SLC2A5: variants seen among roughly 807,000 people sequenced by gnomAD.
The protein encoded by SLC2A5 is solute carrier family 2, facilitated glucose transporter member 5.
Under a neutral mutation model 50.3 loss-of-function variants are expected in SLC2A5, and 56 were observed. The observed-to-expected ratio is 1.11, with a 90% CI of 0.90 to 1.39. The LOEUF is 1.39. SLC2A5 is among the 40% of genes most tolerant of loss of function. The pLI is 0.00. For missense variants in SLC2A5, 566 were observed against 650.1 expected (o/e 0.87, Z 1.41); for synonymous variants, 269 against 281.9 (o/e 0.95, Z 0.46).
chr1:9,041,310 C>T (rs1641296287), intron 5 of SLC2A5: 2 of 459,134 alleles, frequency 4.4e-6, no homozygotes, highest in Non-Finnish European at 7.1e-6. Flanking sequence ...TCTGGGATGT[C>T]CTCACCACCT....
Position 9,037,799 on chromosome 1 carries a change from G to A in SLC2A5, c.1303-10C>T, listed in dbSNP as rs935321983. The A allele has an allele frequency of 6.2e-7, 1 of 1,614,140 alleles. No individual in the cohort carries two copies. ...ACGGGCCGAGGCCCTCCTGCGGGAA[G>A]AGGGGCAGGTGACACGTGTGGGACG... is the stretch of plus-strand genomic sequence containing the variant. On this transcript the variant is annotated splice_polypyrimidine_tract_variant and intron_variant, in intron 11 of 11. Transcript: ENST00000377424.
chr1:9,074,031 G>A (rs895592724), upstream of SLC2A5, among the ~76,000 whole-genome samples: 7 of 151,740 alleles, frequency 4.6e-5, no homozygotes, highest in Non-Finnish European at 1.0e-4. Flanking sequence ...AGTGGGCTGA[G>A]ATCAAACCAC....
chr1:9,083,113 C>T (rs1464780111), intron 2 of SLC2A5, among the ~76,000 whole-genome samples: 3 of 152,064 alleles, frequency 2.0e-5, no homozygotes, highest in East Asian at 1.9e-4. Flanking sequence ...TGGGTAACAC[C>T]GCAAGACTCT....
intron 1 of SLC2A5, among the ~76,000 whole-genome samples, chr1:9,061,287 A>AC: frequency 6.8e-6 from 1 of 146,016 alleles, no homozygotes; most frequent in East Asian, 2.0e-4. Flanking sequence ...GTCTCAAAAA[A>AC]AAAAAAAAGA....
intron 3 of SLC2A5, among the ~76,000 whole-genome samples, chr1:9,048,555 GA>G (rs1641493055): frequency 6.6e-6 from 1 of 152,058 alleles, no homozygotes; most frequent in Non-Finnish European, 1.5e-5. Context: ...TATATTGGGG[GA>G]AAACATCGGA....
At chr1:9,041,704 G>A (rs763221632) in intron 5 of SLC2A5, 81 bp downstream of exon 5, 14 of 1,612,256 alleles carry the variant, frequency 8.7e-6, no homozygotes, top group Non-Finnish European at 1.2e-5. Flanking sequence ...CCTGTCCTGT[G>A]GTGGTGGCTT....
rs1641266570 is a variant in SLC2A5, at chr1:9,040,282, G to C, written c.572-93C>G. The C allele has an allele frequency of 1.4e-6, 2 of 1,449,860 alleles. No individual in the cohort carries two copies. The highest frequency in any genetic ancestry group is 1.4e-5 in the African/African-American group (1 of 70,632). The allele number at this position is 1,449,860 out of a possible 1,614,324, so 89.8% of individuals were successfully genotyped here. On this transcript the variant is annotated intron_variant, in intron 5 of 11. Transcript: ENST00000377424. This position sits in a 1 kb window ranked among gnomAD's most constrained non-coding sequence, Gnocchi z 4.3. ...CGGCCCCAGCCCCGTCATCCTGAGT[G>C]GGGTGCAGGCTCCAGGAGGGCACAG...
intron 3 of SLC2A5, among the ~76,000 whole-genome samples, chr1:9,049,554 G>A (rs1173906456): frequency 1.3e-5 from 2 of 151,782 alleles, no homozygotes; most frequent in Non-Finnish European, 2.9e-5. Flanking sequence ...GTGAAACCTC[G>A]TCGTCTCTAC....
intron 3 of SLC2A5, 24 bp from the exon 4 acceptor site, chr1:9,047,758 A>G: frequency 1.2e-6 from 2 of 1,609,714 alleles, no homozygotes; most frequent in Non-Finnish European, 1.7e-6. Context: ...AATATCAGTT[A>G]GTTTTGCTGA....
chr1:9,077,353 A>G (rs1642295490), intron 2 of SLC2A5, among the ~76,000 whole-genome samples: 1 of 149,202 alleles, frequency 6.7e-6, no homozygotes, highest in African/African-American at 2.4e-5. Context: ...GAACTGAGAT[A>G]GCGCCACTGC....
chr1:9,059,556 T>TTTTTTTTTTG, intron 1 of SLC2A5, among the ~76,000 whole-genome samples: 1 of 81,156 alleles, frequency 1.2e-5, no homozygotes, highest in Non-Finnish European at 2.5e-5. Context: ...TTTTTTTTTC[T>TTTTTTTTTTG]GAGACATTTC....
intron 3 of SLC2A5, among the ~76,000 whole-genome samples, chr1:9,048,693 C>T (rs1384252262): frequency 6.6e-6 from 1 of 151,628 alleles, no homozygotes; most frequent in African/African-American, 2.4e-5. Context: ...CAGAGTCTCG[C>T]TCTGTCACCC....
At position 9,037,918 on chromosome 1, in the gene SLC2A5, G is replaced by A; in HGVS notation, c.1281C>T (p.Gly427=). The A allele has an allele frequency of 6.2e-7, 1 of 1,613,998 alleles. No homozygotes were observed. The highest frequency in any genetic ancestry group is 1.3e-5 in the African/African-American group (1 of 75,074). The change falls in exon 11 of 12, where the codon GGC becomes GGT. Residue 427 remains glycine, a synonymous_variant. Transcript: ENST00000377424. ...SVHWLSNFTV[G]LIFPFIQEGL... is the part of the protein sequence containing the mutation. Reference sequence around the variant, plus strand: ...TCACCTGGATGAACGGGAAGATCAAGCCCACGGTGAAGTTGGAGAGCCAGT... The same window carrying A: ...TCACCTGGATGAACGGGAAGATCAAACCCACGGTGAAGTTGGAGAGCCAGT...
intron 1 of SLC2A5, among the ~76,000 whole-genome samples, chr1:9,067,992 C>T (rs948918205): frequency 2.6e-5 from 4 of 152,046 alleles, no homozygotes; most frequent in African/African-American, 9.7e-5. Context: ...GAGTTCTAGA[C>T]CAGCCTGGCC....
At position 9,038,000 on chromosome 1, in the gene SLC2A5, G is replaced by A. The variant is rs11804131; in HGVS notation, c.1199C>T (p.Thr400Ile). ...CCGAGAGGACTGCAGGAAGATCTCAGTGATGAGCAGCGCGGGTATGGGACC... is the reference window on the plus strand; with the variant it reads ...CCGAGAGGACTGCAGGAAGATCTCAATGATGAGCAGCGCGGGTATGGGACC... ...GPSPIPALLI[T>I]EIFLQSSRPS... Residue 400 changes from threonine (T) to isoleucine (I), a missense_variant, in exon 11 of 12, where the codon ACT becomes ATT. Transcript: ENST00000377424. The A allele has an allele frequency of 6.2e-7, 1 of 1,613,820 alleles. No individual in the cohort carries two copies. Among genetic ancestry groups the A allele is most frequent in the African/African-American group, 1.3e-5 (1 of 74,940 alleles).
chr1:9,064,977 C>T (rs576171271), intron 1 of SLC2A5, among the ~76,000 whole-genome samples: 6 of 150,290 alleles, frequency 4.0e-5, no homozygotes, highest in African/African-American at 9.8e-5. Context: ...TGCTTGAACC[C>T]GGGAGGTGGA....
intron 1 of SLC2A5, among the ~76,000 whole-genome samples, chr1:9,067,827 G>A (rs759548265): frequency 7.2e-5 from 11 of 152,146 alleles, no homozygotes; most frequent in Non-Finnish European, 8.8e-5. Context: ...ACAACGAAGC[G>A]TTAGCCAGTG....
In SLC2A5 at chr1:9,038,899, GC is replaced by G. The variant is rs1453462720; in HGVS notation, c.1026del (p.Arg342SerfsTer13). 6.2e-7 allele frequency: 1 copy of G among 1,612,560 alleles called. No individual in the cohort carries two copies. Among genetic ancestry groups the G allele is most frequent in the Non-Finnish European group, 8.5e-7 (1 of 1,179,858 alleles). ...AVFVVELLGR[R>X]LLLLLGFSIC... The stretch of plus-strand genomic sequence containing the variant: ...ATGGAGAAGCCCAGCAGCAGCAGCA[GC>G]CTCCGACCCAGGAGCTCCACCACGA... On this transcript the variant is annotated frameshift_variant, in exon 9 of 12. Transcript: ENST00000377424. LOFTEE classifies it high-confidence loss of function.
At chr1:9,038,332 G>C (rs2124298771) in intron 10 of SLC2A5, 99 bp downstream of exon 10, 2 of 875,522 alleles carry the variant, frequency 2.3e-6, no homozygotes, top group Non-Finnish European at 3.8e-6. Context: ...CCATTTCCAG[G>C]CTGCATTGGC....
Sources: gnomAD v4.1 joint callset for allele counts (sites outside exome capture counted in the v4.1 genomes callset) on GRCh38, gnomAD v4.1.1 for gene constraint, Gnocchi (gnomAD v3.1) non-coding constraint, MANE v1.5 for transcripts, NCBI Gene and HGNC (gene_info 2026-07-23, HGNC 2026-07-21) for gene names.